MRTFA: variants seen among roughly 807,000 people sequenced by gnomAD.
MRTFA encodes the protein myocardin related transcription factor A.
MRTFA carries 20 observed loss-of-function variants against 83.5 expected under a neutral mutation model. The observed-to-expected ratio is 0.24, with a 90% CI of 0.17 to 0.35. The LOEUF (loss-of-function observed/expected upper bound fraction) is 0.35. Ranked by LOEUF, MRTFA falls within the 10% of genes least tolerant of loss-of-function variation. The pLI, the probability that MRTFA is intolerant of heterozygous loss-of-function variation, is 1.00. For synonymous variants in MRTFA, 659 were observed against 541.2 expected, an observed-to-expected ratio of 1.22 and a Z score of -3.02; for missense variants, 1,200 against 1,224.7, an observed-to-expected ratio of 0.98 and a Z score of 0.30.
chr22:40,618,870 G>A (rs2056486000), intron 1 of MRTFA, among the ~76,000 whole-genome samples: 1 of 151,640 alleles, frequency 6.6e-6, no homozygotes. Context: ...GGCTGGGGTG[G>A]GAGAATCTCG....
chr22:40,448,946 A>G (rs1003345935), intron 4 of MRTFA, among the ~76,000 whole-genome samples: 1 of 152,180 alleles, frequency 6.6e-6, no homozygotes, highest in Non-Finnish European at 1.5e-5. Flanking sequence ...CTTATATGCA[A>G]AAGCGTCAGC....
chr22:40,430,250 G>A (rs1297193423), intron 6 of MRTFA, among the ~76,000 whole-genome samples: 1 of 152,222 alleles, frequency 6.6e-6, no homozygotes, highest in Non-Finnish European at 1.5e-5. Flanking sequence ...CACTTTGGGA[G>A]GCCAAGGCAT....
chr22:40,419,397 C>A lies in MRTFA; in HGVS notation c.1354-13G>T. The stretch of plus-strand genomic sequence containing the variant: ...TCAGCTCTGCCACCTGCAAGGCAGT[C>A]AAGAGTCAGGGAGGCCAGGGGCAGC... On this transcript the variant is annotated splice_polypyrimidine_tract_variant and intron_variant, in intron 11 of 14. Transcript: ENST00000355630. The A allele has an allele frequency of 6.2e-7, 1 of 1,611,842 alleles. No homozygotes were observed. The highest frequency in any genetic ancestry group is 8.5e-7 in the Non-Finnish European group (1 of 1,179,732).
chr22:40,452,128 C>T (rs1384121014), intron 4 of MRTFA, among the ~76,000 whole-genome samples: 4 of 151,872 alleles, frequency 2.6e-5, no homozygotes, highest in East Asian at 1.9e-4. Flanking sequence ...GGACGACAGG[C>T]GCGTGCCATC....
chr22:40,596,260 T>G (rs892232044), intron 1 of MRTFA, among the ~76,000 whole-genome samples: 3 of 152,128 alleles, frequency 2.0e-5, no homozygotes, highest in Non-Finnish European at 4.4e-5. Flanking sequence ...GTAGCTCAGT[T>G]GGAAGAAGAA....
chr22:40,419,225 C>G lies in MRTFA; in HGVS notation c.1513G>C (p.Glu505Gln). 6.2e-7 allele frequency: 1 copy of G among 1,605,554 alleles called. No homozygotes were observed. The highest frequency in any genetic ancestry group is 8.5e-7 in the Non-Finnish European group (1 of 1,176,222). Residue 505 changes from glutamate (E) to glutamine (Q), a missense_variant, in exon 12 of 15, where the codon GAG becomes CAG. This residue lies in a region of MRTFA where 1,107 missense variants were observed against 1,041.8 expected (regional missense o/e 1.06). Coordinates refer to ENST00000355630, the MANE Select transcript of MRTFA (RefSeq NM_020831.6). ...GCCGCTGGGAAGGCTACCACCACCT[C>G]GCCAGCCTTGTGCAGGATAGAGGTG... is the stretch of plus-strand genomic sequence containing the variant.
At chr22:40,425,728 G>A (rs767113576) in intron 7 of MRTFA, among the ~76,000 whole-genome samples, 4 of 152,210 alleles carry the variant, frequency 2.6e-5, no homozygotes, top group Non-Finnish European at 5.9e-5. Context: ...TTCCGGCAAC[G>A]GCATCTGATT....
intron 5 of MRTFA, among the ~76,000 whole-genome samples, chr22:40,432,071 C>A (rs986890096): frequency 2.6e-5 from 4 of 152,034 alleles, no homozygotes; most frequent in Admixed American, 6.6e-5. Flanking sequence ...TGTGGTGAAA[C>A]CCTGTCTCTA....
Position 40,419,127 on chromosome 22 carries a change from G to T in MRTFA, c.1611C>A (p.Ala537=), listed in dbSNP as rs771780907. The change falls in exon 12 of 15, where the codon GCC becomes GCA. Residue 537 remains alanine, a synonymous_variant. Coordinates refer to ENST00000355630, the MANE Select transcript of MRTFA (RefSeq NM_020831.6). ...TGCCAAACTTCACCACCCCACTGCT[G>T]GCCACCGTGGCCACCACCACCTCAG... 12 of 1,586,760 alleles carry T rather than the reference G, an allele frequency of 7.6e-6. No homozygotes were observed. Among genetic ancestry groups the T allele is most frequent in the African/African-American group, 1.3e-5 (1 of 74,092 alleles).
At position 40,619,906 on chromosome 22, in the gene MRTFA, A is replaced by G. The variant is rs573504516; in HGVS notation, c.-84+16572T>C. 5.1e-3 allele frequency among the ~76,000 whole-genome samples: 768 copies of G among 151,466 alleles called. 18 individuals carry two copies. The Middle Eastern group carries it at 0.059, about 12-fold the overall frequency. Reference sequence around the variant, plus strand: ...CTCCGTCTCAAAAAAAAAAAAAAAAAAAAGAAATCAGTACTTGATGATTTG... The same window carrying G: ...CTCCGTCTCAAAAAAAAAAAAAAAAGAAAGAAATCAGTACTTGATGATTTG... On this transcript the variant is annotated intron_variant, in intron 1 of 14. Coordinates refer to ENST00000355630, the MANE Select transcript of MRTFA (RefSeq NM_020831.6).
At chr22:40,571,061 T>TAAAAAAAAAAAAAAAA (rs2055785269) in intron 2 of MRTFA, among the ~76,000 whole-genome samples, 1 of 102,384 alleles carries the variant, frequency 9.8e-6, no homozygotes. Context: ...AAAAAAAAAT[T>TAAAAAAAAAAAAAAAA]AGCTGGGCAT....
At chr22:40,616,651 A>G (rs1307685017) in intron 1 of MRTFA, among the ~76,000 whole-genome samples, 2 of 152,214 alleles carry the variant, frequency 1.3e-5, no homozygotes, top group African/African-American at 4.8e-5. Context: ...TTATGTTAAC[A>G]AGGTAGACAC....
intron 4 of MRTFA, among the ~76,000 whole-genome samples, chr22:40,437,885 C>T (rs1362916842): frequency 6.6e-6 from 1 of 152,048 alleles, no homozygotes; most frequent in African/African-American, 2.4e-5. Context: ...TTTTTAGTCA[C>T]TCACAGCATT....
intron 3 of MRTFA, among the ~76,000 whole-genome samples, chr22:40,536,866 G>C (rs148217948): frequency 7.0e-5 from 2 of 28,478 alleles, no homozygotes; most frequent in Non-Finnish European, 1.3e-4. Flanking sequence ...CCCTCTGCCT[G>C]GCAACCACCC....
In MRTFA at chr22:40,508,023, C is replaced by G. The variant is rs538299774; in HGVS notation, c.241+44083G>C. Among the ~76,000 whole-genome samples the G allele has an allele frequency of 3.6e-5, 5 of 139,472 alleles. No homozygotes were observed. The South Asian group carries it at 7.0e-4, about 20-fold the overall frequency. 91.5% of individuals were successfully genotyped at this position (139,472 alleles called of 152,430 possible). ...AAGGAGTTGATTTATATATAAAGTA[C>G]GTAGAACAGTACCTGGGCACAGGTG... On this transcript the variant is annotated intron_variant, in intron 3 of 14. Coordinates refer to ENST00000355630, the MANE Select transcript of MRTFA (RefSeq NM_020831.6).
At position 40,527,627 on chromosome 22, in the gene MRTFA, T is replaced by C. The variant is rs532765504; in HGVS notation, c.241+24479A>G. ...AAAAAAAATTAGCCGGGCATGGTGG[T>C]GGGCGCCTGTAGTCCCAGCTACTTG... On this transcript the variant is annotated intron_variant, in intron 3 of 14. Transcript: ENST00000355630. 3.3e-5 allele frequency among the ~76,000 whole-genome samples: 5 copies of C among 151,240 alleles called. No homozygotes were observed. The South Asian group carries it at 1.0e-3, about 32-fold the overall frequency.
intron 2 of MRTFA, among the ~76,000 whole-genome samples, chr22:40,573,496 CT>C (rs1163903782): frequency 6.6e-6 from 1 of 152,204 alleles, no homozygotes; most frequent in African/African-American, 2.4e-5. Flanking sequence ...CTTGAGTGAT[CT>C]GCCTGCCTTA....
At chr22:40,621,574 A>G (rs1324594567) in intron 1 of MRTFA, among the ~76,000 whole-genome samples, 1 of 152,202 alleles carries the variant, frequency 6.6e-6, no homozygotes, top group East Asian at 1.9e-4. Context: ...AATGTACTTA[A>G]CACCACTGGA....
At chr22:40,512,772 T>C (rs371238223) in intron 3 of MRTFA, among the ~76,000 whole-genome samples, 7 of 152,368 alleles carry the variant, frequency 4.6e-5, no homozygotes, top group African/African-American at 7.2e-5. Flanking sequence ...GTTGAACATG[T>C]AGCCTCTTGA....
Sources: allele counts gnomAD v4.1 joint callset (sites outside exome capture counted in the v4.1 genomes callset), GRCh38; gene constraint gnomAD v4.1.1; regional missense constraint gnomAD v4.1.1; transcripts MANE v1.5; gene names NCBI Gene and HGNC (gene_info 2026-07-23, HGNC 2026-07-21).